Variants in KDM4B observed in about 807,000 individuals in gnomAD.
The protein encoded by KDM4B is lysine demethylase 4B, also known as lysine-specific demethylase 4B.
A neutral mutation model predicts 125.2 loss-of-function variants in KDM4B; 32 were observed. That is an observed-to-expected ratio of 0.26 (90% confidence interval 0.19 to 0.34). The LOEUF is 0.34. Among genes scored for constraint, KDM4B ranks in the 10% least tolerant of loss-of-function variants. The probability of loss-of-function intolerance (pLI) is 1.00; values close to 1 mark genes in which losing one functional copy is unlikely to be tolerated. For missense variants in KDM4B, 1,190 were observed against 1,577.7 expected (o/e 0.75, Z 4.16); for synonymous variants, 721 against 677.9 (o/e 1.06, Z -0.99).
intron 1 of KDM4B, among the ~76,000 whole-genome samples, chr19:4,990,195 C>T (rs571992309): frequency 3.9e-5 from 6 of 152,210 alleles, no homozygotes; most frequent in African/African-American, 1.4e-4. Flanking sequence ...GAGGCTGAGG[C>T]AGAAGGATCG....
At chr19:4,994,065 T>C (rs1179360924) in intron 1 of KDM4B, among the ~76,000 whole-genome samples, 1 of 150,202 alleles carries the variant, frequency 6.7e-6, no homozygotes, top group Non-Finnish European at 1.5e-5. Context: ...TTGTCTTTTT[T>C]GAGACAGGGT....
intron 1 of KDM4B, among the ~76,000 whole-genome samples, chr19:4,980,492 C>T (rs1484057146): frequency 6.9e-6 from 1 of 145,170 alleles, no homozygotes; most frequent in Non-Finnish European, 1.5e-5. Flanking sequence ...GGCATGATCT[C>T]AGCTCACCTC....
chr19:5,079,758 G>T (rs904199502), intron 8 of KDM4B, among the ~76,000 whole-genome samples: 1 of 152,174 alleles, frequency 6.6e-6, no homozygotes, highest in South Asian at 2.1e-4. Flanking sequence ...CTAGAGATGG[G>T]GTCTCACTCT....
At chr19:5,113,899 G>T in intron 10 of KDM4B, 1 of 1,201,492 alleles carries the variant, frequency 8.3e-7, no homozygotes, top group Non-Finnish European at 1.1e-6. Context: ...GCCCCATGGG[G>T]TGCGGATGGT....
At chr19:5,126,165 G>T (rs1310073614) in intron 11 of KDM4B, among the ~76,000 whole-genome samples, 1 of 152,184 alleles carries the variant, frequency 6.6e-6, no homozygotes, top group Non-Finnish European at 1.5e-5. Context: ...AGGGGCCAGG[G>T]GGCATCAGCA....
Position 5,144,740 on chromosome 19 carries a change from G to A in KDM4B, c.2902-43G>A, listed in dbSNP as rs753774624. 16 of 1,612,230 alleles carry A rather than the reference G, an allele frequency of 9.9e-6. No individual in the cohort carries two copies. The South Asian group carries it at 1.3e-4, about 13-fold the overall frequency. On this transcript the variant is annotated intron_variant, in intron 20 of 22. Coordinates refer to ENST00000159111, the MANE Select transcript of KDM4B (RefSeq NM_015015.3). ...CTAAAACCCAGCGACAGCCCCCAGC[G>A]TAGTGTGGCCAGGACCTCACCTCCC...
At chr19:4,985,772 G>A (rs778295206) in intron 1 of KDM4B, among the ~76,000 whole-genome samples, 7 of 152,338 alleles carry the variant, frequency 4.6e-5, no homozygotes, top group South Asian at 4.1e-4. Flanking sequence ...GGCCAGGACC[G>A]CTCATCCTGT....
intron 9 of KDM4B, among the ~76,000 whole-genome samples, chr19:5,106,282 G>A (rs1315641938): frequency 6.6e-6 from 1 of 152,208 alleles, no homozygotes; most frequent in Non-Finnish European, 1.5e-5. Flanking sequence ...GCGTGCAAGC[G>A]TACTTGTCTT....
intron 6 of KDM4B, among the ~76,000 whole-genome samples, chr19:5,061,377 G>A (rs192966684): frequency 5.3e-5 from 8 of 152,242 alleles, no homozygotes; most frequent in Non-Finnish European, 8.8e-5. Flanking sequence ...CTCTTGTCCC[G>A]TAAAACGATC....
At chr19:5,085,907 CAG>C (rs1236739832) in intron 9 of KDM4B, among the ~76,000 whole-genome samples, 1 of 152,170 alleles carries the variant, frequency 6.6e-6, no homozygotes, top group Non-Finnish European at 1.5e-5. Context: ...GCACAGATGA[CAG>C]AGGAGTGTTA....
rs936028472 is a variant in KDM4B, at chr19:5,141,390, T to G, written c.2551-2577T>G. The G allele has an allele frequency of 9.2e-5, 14 of 152,186 alleles. No homozygotes were observed. The highest frequency in any genetic ancestry group is 3.1e-4 in the African/African-American group (13 of 41,436). The allele number at this position is 152,186 out of a possible 1,614,324, so 9.4% of individuals were successfully genotyped here. A position where few individuals can be genotyped will look rare whatever the true frequency, so the allele number is the denominator to read the frequency against. ...TCAGGTGGAGTGATGGTGCGATGCGTGGTGCAGTGATAAGTCCTCCTGCCC... is the reference window on the plus strand; with the variant it reads ...TCAGGTGGAGTGATGGTGCGATGCGGGGTGCAGTGATAAGTCCTCCTGCCC... On this transcript the variant is annotated intron_variant, in intron 18 of 22. Coordinates refer to ENST00000159111, the MANE Select transcript of KDM4B (RefSeq NM_015015.3). This position sits in a 1 kb window ranked among gnomAD's most constrained non-coding sequence, Gnocchi z 6.4.
At chr19:5,095,072 C>G (rs1466674244) in intron 9 of KDM4B, among the ~76,000 whole-genome samples, 1 of 152,142 alleles carries the variant, frequency 6.6e-6, no homozygotes, top group Non-Finnish European at 1.5e-5. Context: ...GCTGTGCCCT[C>G]CCCACGCCAG....
intron 2 of KDM4B, among the ~76,000 whole-genome samples, 168 bp downstream of exon 2, chr19:5,016,507 G>A (rs780027236): frequency 2.6e-5 from 4 of 152,254 alleles, no homozygotes; most frequent in Non-Finnish European, 5.9e-5. Flanking sequence ...TGCGGGCCAT[G>A]GTAGGGAGGT....
chr19:5,065,261 G>A (rs1158505704), intron 6 of KDM4B, among the ~76,000 whole-genome samples: 7 of 152,212 alleles, frequency 4.6e-5, no homozygotes, highest in African/African-American at 1.2e-4. Flanking sequence ...GGCCTGGGCC[G>A]TGTGACCCCA....
chr19:5,072,116 G>A (rs1330204536), intron 7 of KDM4B, among the ~76,000 whole-genome samples: 1 of 152,202 alleles, frequency 6.6e-6, no homozygotes, highest in East Asian at 1.9e-4. Context: ...AGGCTCCCGG[G>A]ACTGCCTGGT....
chr19:5,065,700 C>T (rs760452085), intron 6 of KDM4B, among the ~76,000 whole-genome samples: 15 of 152,350 alleles, frequency 9.8e-5, no homozygotes, highest in South Asian at 2.1e-4. Context: ...CTGCAGAGAA[C>T]GCCTTTGCTT....
rs763986280 is a variant in KDM4B at position 5,082,527 on chromosome 19, C to T, written c.918+23C>T. On this transcript the variant is annotated intron_variant, in intron 9 of 22. Coordinates refer to ENST00000159111, the MANE Select transcript of KDM4B (RefSeq NM_015015.3). This position sits in a 1 kb window ranked among gnomAD's most constrained non-coding sequence, Gnocchi z 5.4. ...CAGGTAAAAGCTTGCCTGCTGGGAA[C>T]GGGTCCCAGCAGGGCGGGAGGAGGC... 1.4e-5 allele frequency: 22 copies of T among 1,564,028 alleles called. No homozygotes were observed. The highest frequency in any genetic ancestry group is 4.1e-5 in the African/African-American group (3 of 73,536).
chr19:5,013,612 C>CTT (rs2035797266), intron 1 of KDM4B, among the ~76,000 whole-genome samples: 1 of 152,184 alleles, frequency 6.6e-6, no homozygotes, highest in Admixed American at 6.5e-5. Context: ...GCTTGGGGCC[C>CTT]TTCCTCCCCC....
intron 1 of KDM4B, among the ~76,000 whole-genome samples, chr19:4,975,764 T>G (rs2034424169): frequency 6.6e-6 from 1 of 151,580 alleles, no homozygotes; most frequent in African/African-American, 2.4e-5. Context: ...GACTAATTTT[T>G]GTATTTTTAG....
Sources: allele counts gnomAD v4.1 joint callset (sites outside exome capture counted in the v4.1 genomes callset), GRCh38; gene constraint gnomAD v4.1.1; non-coding constraint Gnocchi (gnomAD v3.1); transcripts MANE v1.5; gene names NCBI Gene and HGNC (gene_info 2026-07-23, HGNC 2026-07-21).